CNOT4: variants seen among roughly 807,000 people sequenced by gnomAD.
The protein encoded by CNOT4 is CCR4-NOT transcription complex subunit 4.
CNOT4 carries 8 observed loss-of-function variants against 73.8 expected under a neutral mutation model. That is an observed-to-expected ratio of 0.11 (90% CI 0.06 to 0.20). The LOEUF is 0.20. Among genes scored for constraint, CNOT4 ranks in the 10% least tolerant of loss-of-function variants. The pLI is 1.00. For synonymous variants in CNOT4, 293 were observed against 321.1 expected (o/e 0.91, Z 0.94); for missense variants, 564 against 883.4 (o/e 0.64, Z 4.58).
chr7:135,478,954 G>A (rs1360060433), intron 1 of CNOT4, among the ~76,000 whole-genome samples: 2 of 152,078 alleles, frequency 1.3e-5, no homozygotes, highest in East Asian at 3.8e-4. Flanking sequence ...ATGAAGTGAT[G>A]TAATTTTGAC....
intron 1 of CNOT4, among the ~76,000 whole-genome samples, chr7:135,477,668 C>T (rs1585706808): frequency 6.6e-6 from 1 of 152,198 alleles, no homozygotes; most frequent in African/African-American, 2.4e-5. Flanking sequence ...CAATACATTT[C>T]ATCATACAGA....
rs1443300905 is a variant in CNOT4, at chr7:135,473,984, T to G, written c.-92-35561A>C. 1.4e-4 allele frequency among the ~76,000 whole-genome samples: 17 copies of G among 124,670 alleles called. No individual in the cohort carries two copies. In the East Asian group the frequency reaches 4.6e-3, roughly 34 times the overall value. 81.8% of individuals were successfully genotyped at this position (124,670 alleles called of 152,430 possible). On this transcript the variant is annotated intron_variant, in intron 1 of 11. Transcript: ENST00000541284. ...TAACTGGTTTTTGTCTTTTTGTGGT[T>G]TTTTTTTTTTTTTGAGACAGAGTCT...
At chr7:135,442,349 C>T (rs2129485511) in intron 1 of CNOT4, among the ~76,000 whole-genome samples, 1 of 152,328 alleles carries the variant, frequency 6.6e-6, no homozygotes, top group Non-Finnish European at 1.5e-5. Flanking sequence ...TAAATCCCAG[C>T]ACTTTGGGAG....
chr7:135,408,156 C>A (rs761245725), intron 7 of CNOT4, among the ~76,000 whole-genome samples: 2 of 152,066 alleles, frequency 1.3e-5, no homozygotes, highest in Non-Finnish European at 2.9e-5. Context: ...AAAGCTATAA[C>A]CATTTATATG....
chr7:135,446,611 TAC>T lies in CNOT4; in HGVS notation c.-92-8190_-92-8189del, dbSNP rs1170138354. Among the ~76,000 whole-genome samples, 7 of 152,192 alleles carry T rather than the reference TAC, an allele frequency of 4.6e-5. No homozygotes were observed. The East Asian group carries it at 5.8e-4, about 13-fold the overall frequency. On this transcript the variant is annotated intron_variant, in intron 1 of 11. Transcript: ENST00000541284. Reference sequence around the variant, plus strand: ...ATGTAGCTAGTGCAAGTCCACTGAATACAGTTACACAGAAATAATACTCCTAA... The same window carrying T: ...ATGTAGCTAGTGCAAGTCCACTGAATAGTTACACAGAAATAATACTCCTAA...
At chr7:135,482,132 T>G (rs540931348) in intron 1 of CNOT4, among the ~76,000 whole-genome samples, 1 of 152,230 alleles carries the variant, frequency 6.6e-6, no homozygotes, top group Admixed American at 6.5e-5. Flanking sequence ...AGGTGATAGA[T>G]ACCTCAAATG....
rs1304543090 is a variant in CNOT4 at position 135,422,312 on chromosome 7, C to T, written c.216G>A (p.Gln72=). The T allele has an allele frequency of 1.9e-6, 3 of 1,573,072 alleles. No homozygotes were observed. In the African/African-American group the frequency reaches 4.1e-5, roughly 21 times the overall value. Residue 72 remains glutamine, a synonymous_variant, in exon 3 of 12, where the codon CAG becomes CAA. Transcript: ENST00000541284. Reference sequence around the variant, plus strand: ...CATTCTTTATCCTTTGCAGCTCTTCCTGGGAGAGTGGTTTATAAACTGCTG... The same window carrying T: ...CATTCTTTATCCTTTGCAGCTCTTCTTGGGAGAGTGGTTTATAAACTGCTG... ...EDPAVYKPLS[Q]EELQRIKNEK...
chr7:135,500,887 T>C (rs1302299805), intron 1 of CNOT4, among the ~76,000 whole-genome samples: 1 of 152,178 alleles, frequency 6.6e-6, no homozygotes, highest in Non-Finnish European at 1.5e-5. Context: ...TCTCTTACTG[T>C]AATAAAGATA....
At chr7:135,505,179 T>C (rs1585748701) in intron 1 of CNOT4, among the ~76,000 whole-genome samples, 1 of 152,112 alleles carries the variant, frequency 6.6e-6, no homozygotes, top group East Asian at 1.9e-4. Flanking sequence ...CTAATAGCAA[T>C]ACATCATCTG....
chr7:135,474,101 TC>T (rs1331455790), intron 1 of CNOT4, among the ~76,000 whole-genome samples: 1 of 149,166 alleles, frequency 6.7e-6, no homozygotes, highest in East Asian at 2.0e-4. Flanking sequence ...TGCCTCAGCC[TC>T]CCGAGTAGCT....
intron 3 of CNOT4, among the ~76,000 whole-genome samples, chr7:135,418,586 A>C (rs923052722): frequency 1.3e-5 from 2 of 152,190 alleles, no homozygotes; most frequent in Non-Finnish European, 2.9e-5. Flanking sequence ...CATGCCAATA[A>C]TCAACACAGA....
Position 135,383,362 on chromosome 7 carries a change from C to A in CNOT4, c.1627+10556G>T, listed in dbSNP as rs115771862. ...TTCACATCATCAGTAACATTTCTAC[C>A]AATCCTTCACACTCACTGGGGCTGC... On this transcript the variant is annotated intron_variant, in intron 10 of 11. Coordinates refer to ENST00000541284, the MANE Select transcript of CNOT4 (RefSeq NM_001190850.2). 6.9e-3 allele frequency among the ~76,000 whole-genome samples: 527 copies of A among 76,662 alleles called. 4 individuals are homozygous for A. The highest frequency in any genetic ancestry group is 0.027 in the African/African-American group (507 of 18,892). The allele number at this position is 76,662 out of a possible 152,430, so 50.3% of individuals were successfully genotyped here.
chr7:135,457,013 A>C (rs1800577092), intron 1 of CNOT4, among the ~76,000 whole-genome samples: 1 of 152,120 alleles, frequency 6.6e-6, no homozygotes, highest in Admixed American at 6.6e-5. Flanking sequence ...CAGCAAGATC[A>C]CTGGCTATAA....
chr7:135,405,595 C>A (rs1422055450), intron 7 of CNOT4, among the ~76,000 whole-genome samples: 1 of 152,192 alleles, frequency 6.6e-6, no homozygotes, highest in African/African-American at 2.4e-5. Context: ...GCAACTTATT[C>A]ATAGCACATA....
rs1201202155 is a variant in CNOT4 at position 135,447,557 on chromosome 7, T to C, written c.-92-9134A>G. Among the ~76,000 whole-genome samples the C allele has an allele frequency of 3.3e-5, 5 of 152,224 alleles. No homozygotes were observed. The East Asian group carries it at 7.7e-4, about 23-fold the overall frequency. The stretch of plus-strand genomic sequence containing the variant: ...CTTTGCTATTTATGTAGTAAAATAT[T>C]TGTATTTTACTTTTCTAAGATGTAA... On this transcript the variant is annotated intron_variant, in intron 1 of 11. Coordinates refer to ENST00000541284, the MANE Select transcript of CNOT4 (RefSeq NM_001190850.2).
intron 2 of CNOT4, among the ~76,000 whole-genome samples, chr7:135,424,814 CAAA>C (rs891671321): frequency 1.9e-4 from 29 of 150,708 alleles, no homozygotes; most frequent in Admixed American, 6.6e-5. Context: ...AACAAACAAA[CAAA>C]AAAAAACAAA....
chr7:135,457,027 CA>C lies in CNOT4; in HGVS notation c.-92-18605del. On this transcript the variant is annotated intron_variant, in intron 1 of 11. Transcript: ENST00000541284. ...TCAGCAAGATCACTGGCTATAAAAC[CA>C]ATATATAAAAATCCACTGTATTTCA... Among the ~76,000 whole-genome samples the C allele has an allele frequency of 1.3e-5, 2 of 151,906 alleles. 1 individual carries two copies. Among genetic ancestry groups the C allele is most frequent in the Non-Finnish European group, 2.9e-5 (2 of 67,964 alleles).
chr7:135,454,655 A>T (rs1800412283), intron 1 of CNOT4, among the ~76,000 whole-genome samples: 2 of 151,620 alleles, frequency 1.3e-5, no homozygotes, highest in Admixed American at 6.6e-5. Context: ...AAAATAAAAT[A>T]AAAAAAGTAA....
intron 1 of CNOT4, among the ~76,000 whole-genome samples, chr7:135,446,498 C>A (rs1243869121): frequency 6.6e-6 from 1 of 152,052 alleles, no homozygotes; most frequent in African/African-American, 2.4e-5. Flanking sequence ...CATAACAGTA[C>A]TTTTATAAAA....
Sources: gnomAD v4.1 joint callset for allele counts (sites outside exome capture counted in the v4.1 genomes callset) on GRCh38, gnomAD v4.1.1 for gene constraint, MANE v1.5 for transcripts, NCBI Gene and HGNC (gene_info 2026-07-23, HGNC 2026-07-21) for gene names.